METTL16: variants seen among roughly 807,000 people sequenced by gnomAD.
The protein encoded by METTL16 is RNA N(6)-adenosine-methyltransferase METTL16.
In METTL16, 19 loss-of-function variants were observed where a neutral mutation model predicts 57.9. The observed-to-expected ratio is 0.33, with a 90% CI of 0.23 to 0.48. The LOEUF (loss-of-function observed/expected upper bound fraction) is 0.48, where lower values mean the gene tolerates loss of function less well. Ranked by LOEUF, METTL16 falls within the 20% of genes least tolerant of loss-of-function variation. METTL16 has a pLI of 0.99. For missense variants in METTL16, 434 were observed against 691.5 expected (o/e 0.63, Z 4.18); for synonymous variants, 246 against 255.6 (o/e 0.96, Z 0.36).
chr17:2,448,629 C>T (rs2067035993), intron 6 of METTL16, among the ~76,000 whole-genome samples: 1 of 100,768 alleles, frequency 9.9e-6, no homozygotes, highest in Non-Finnish European at 1.9e-5. Flanking sequence ...GGTCCTCTGC[C>T]TAGGAAAACC....
At chr17:2,481,179 G>T (rs149416765) in intron 2 of METTL16, among the ~76,000 whole-genome samples, 2 of 150,308 alleles carry the variant, frequency 1.3e-5, no homozygotes, top group Non-Finnish European at 2.9e-5. Flanking sequence ...CCGCACTCCC[G>T]TACGGATGAC....
Position 2,452,078 on chromosome 17 carries a change from A to G in METTL16, c.729-10519T>C, listed in dbSNP as rs113909046. Among the ~76,000 whole-genome samples the G allele has an allele frequency of 2.1e-3, 315 of 148,722 alleles. 6 individuals carry two copies. Among genetic ancestry groups the G allele is most frequent in the African/African-American group, 7.3e-3 (290 of 39,842 alleles). ...CTTGAGCCTGGGAGGTCAGGGCTGC[A>G]GTGAGCAGTGATTGCACCACTGCAC... On this transcript the variant is annotated intron_variant, in intron 6 of 9. Coordinates refer to ENST00000263092, the MANE Select transcript of METTL16 (RefSeq NM_024086.4).
intron 8 of METTL16, among the ~76,000 whole-genome samples, chr17:2,422,920 T>C (rs1597434923): frequency 6.6e-6 from 1 of 152,130 alleles, no homozygotes; most frequent in African/African-American, 2.4e-5. Flanking sequence ...GAGGTGCAGG[T>C]TGCAGTGAGA....
At chr17:2,468,163 C>A (rs2067214809) in intron 4 of METTL16, among the ~76,000 whole-genome samples, 1 of 152,206 alleles carries the variant, frequency 6.6e-6, no homozygotes, top group Non-Finnish European at 1.5e-5. Flanking sequence ...GTAGGCTACA[C>A]CATTCAGGTG....
intron 8 of METTL16, among the ~76,000 whole-genome samples, chr17:2,429,913 C>T (rs1176285426): frequency 4.0e-5 from 6 of 151,704 alleles, no homozygotes; most frequent in African/African-American, 7.3e-5. Flanking sequence ...CGGGTTCAAG[C>T]GATTCTCCTG....
intron 8 of METTL16, among the ~76,000 whole-genome samples, chr17:2,429,074 T>G (rs536507631): frequency 6.6e-6 from 1 of 152,086 alleles, no homozygotes; most frequent in Admixed American, 6.5e-5. Context: ...GTTGGGCTGG[T>G]CTCGAACTCC....
intron 6 of METTL16, among the ~76,000 whole-genome samples, chr17:2,455,898 G>A (rs1478878273): frequency 6.6e-6 from 1 of 152,074 alleles, no homozygotes; most frequent in Non-Finnish European, 1.5e-5. Context: ...CAGGAGGATT[G>A]CTTGAGCTCA....
chr17:2,486,412 C>CA, intron 2 of METTL16, among the ~76,000 whole-genome samples: 1 of 151,894 alleles, frequency 6.6e-6, no homozygotes, highest in African/African-American at 2.4e-5. Flanking sequence ...GCTGGGACTA[C>CA]AGGCATGTAC....
chr17:2,478,028 G>A (rs1788284553), intron 2 of METTL16, 143 bp from the exon 3 acceptor site: 1 of 638,840 alleles, frequency 1.6e-6, no homozygotes, highest in African/African-American at 1.8e-5. Context: ...TCATCCCAGT[G>A]GCACATACAC....
At chr17:2,429,407 C>T (rs567150104) in intron 8 of METTL16, among the ~76,000 whole-genome samples, 10 of 150,436 alleles carry the variant, frequency 6.6e-5, no homozygotes, top group East Asian at 3.9e-4. Context: ...AGGCTGGTCT[C>T]GAACTCCTGA....
intron 3 of METTL16, among the ~76,000 whole-genome samples, chr17:2,476,655 C>T (rs1465462307): frequency 1.3e-5 from 2 of 152,132 alleles, no homozygotes; most frequent in South Asian, 2.1e-4. Context: ...GCTATTAGTT[C>T]TACTCAGTTA....
chr17:2,477,680 A>T lies in METTL16; in HGVS notation c.328+6T>A. ...TTTAGCCAAAAAAGAATTTAAAATG[A>T]TATACCTATGTCAATTCCTCTTCGG... On this transcript the variant is annotated splice_donor_region_variant and intron_variant, in intron 3 of 9. Coordinates refer to ENST00000263092, the MANE Select transcript of METTL16 (RefSeq NM_024086.4). 6.2e-7 allele frequency: 1 copy of T among 1,603,400 alleles called. No homozygotes were observed. The highest frequency in any genetic ancestry group is 8.5e-7 in the Non-Finnish European group (1 of 1,170,266).
intron 5 of METTL16, among the ~76,000 whole-genome samples, chr17:2,465,546 C>CAAAAA (rs547864019): frequency 1.6e-4 from 4 of 24,496 alleles, no homozygotes; most frequent in Non-Finnish European, 2.4e-4. Flanking sequence ...GACTCCATCT[C>CAAAAA]AAAAAAAAAA....
chr17:2,427,386 T>A (rs2066827470), intron 8 of METTL16, among the ~76,000 whole-genome samples: 1 of 152,210 alleles, frequency 6.6e-6, no homozygotes, highest in East Asian at 1.9e-4. Flanking sequence ...AACGAACCTC[T>A]GTCCTGACTC....
intron 2 of METTL16, among the ~76,000 whole-genome samples, chr17:2,499,312 A>G (rs1426927342): frequency 6.6e-6 from 1 of 151,124 alleles, no homozygotes; most frequent in Non-Finnish European, 1.5e-5. Context: ...AGAGGAAACA[A>G]ACAATGACAA....
At chr17:2,502,377 A>G (rs2067495531) in intron 1 of METTL16, 46 bp from the exon 2 acceptor site, 3 of 1,594,336 alleles carry the variant, frequency 1.9e-6, no homozygotes, top group Non-Finnish European at 2.6e-6. Context: ...TTTATTAAAA[A>G]CCATTAATGG....
At chr17:2,478,795 G>C (rs1323257011) in intron 2 of METTL16, among the ~76,000 whole-genome samples, 1 of 152,190 alleles carries the variant, frequency 6.6e-6, no homozygotes, top group East Asian at 1.9e-4. Flanking sequence ...TTTGTAACTT[G>C]TCAGTGTTTC....
At chr17:2,501,857 CAAAAA>C (rs71889986) in intron 2 of METTL16, among the ~76,000 whole-genome samples, 1 of 100,392 alleles carries the variant, frequency 1.0e-5, no homozygotes, top group Admixed American at 9.2e-5. Context: ...GACTTTGTCT[CAAAAA>C]AAAAAAAAAA....
chr17:2,426,257 A>G (rs1450924383), intron 8 of METTL16, among the ~76,000 whole-genome samples: 2 of 151,938 alleles, frequency 1.3e-5, no homozygotes, highest in South Asian at 2.1e-4. Flanking sequence ...GGGAGTTACA[A>G]TGTTGCCCAG....
Sources: allele counts gnomAD v4.1 joint callset (sites outside exome capture counted in the v4.1 genomes callset), GRCh38; gene constraint gnomAD v4.1.1; transcripts MANE v1.5; gene names NCBI Gene and HGNC (gene_info 2026-07-23, HGNC 2026-07-21).